The following DLGAP2 variants were observed in gnomAD, a reference collection of about 807,000 sequenced individuals.
DLGAP2 encodes the protein disks large-associated protein 2.
DLGAP2 carries 26 observed loss-of-function variants against 100.3 expected under a neutral mutation model. That is an observed-to-expected ratio of 0.26 (90% CI 0.19 to 0.36). The LOEUF (loss-of-function observed/expected upper bound fraction) is 0.36, where lower values mean the gene tolerates loss of function less well. DLGAP2 is among the 10% of genes least tolerant of loss of function. The pLI is 1.00. For synonymous variants in DLGAP2, 886 were observed against 630.1 expected (o/e 1.41, Z -6.08); for missense variants, 1,858 against 1,453.2 (o/e 1.28, Z -4.53).
intron 1 of DLGAP2, among the ~76,000 whole-genome samples, chr8:898,981 G>T (rs547453204): frequency 6.6e-6 from 1 of 152,240 alleles, no homozygotes; most frequent in East Asian, 1.9e-4. Context: ...GAACTCCTGC[G>T]TGGGTCCAGC....
chr8:1,409,043 G>T (rs1787747952), intron 3 of DLGAP2, among the ~76,000 whole-genome samples: 2 of 152,234 alleles, frequency 1.3e-5, no homozygotes, highest in Admixed American at 1.3e-4. Context: ...GTTCCAGAAT[G>T]TGGACCACTG....
At chr8:1,062,180 C>T (rs765216218) in intron 2 of DLGAP2, among the ~76,000 whole-genome samples, 20 of 152,188 alleles carry the variant, frequency 1.3e-4, no homozygotes, top group Non-Finnish European at 2.8e-4. Context: ...TCCTGCTCTG[C>T]ACCAAGCAGC....
intron 3 of DLGAP2, among the ~76,000 whole-genome samples, chr8:1,267,544 G>A (rs1243564057): frequency 1.5e-5 from 2 of 131,434 alleles, no homozygotes; most frequent in Non-Finnish European, 3.1e-5. Context: ...GGGAGACAGA[G>A]CAAAATTCCC....
At chr8:1,237,079 C>G (rs539571626) in intron 2 of DLGAP2, among the ~76,000 whole-genome samples, 1 of 131,988 alleles carries the variant, frequency 7.6e-6, no homozygotes, top group African/African-American at 3.0e-5. Context: ...TGTCACATGG[C>G]GCCGTGTCTA....
intron 12 of DLGAP2, among the ~76,000 whole-genome samples, chr8:1,683,264 C>T (rs1301406701): frequency 2.0e-5 from 3 of 151,518 alleles, no homozygotes; most frequent in Non-Finnish European, 4.4e-5. Flanking sequence ...GGCCTTGACA[C>T]GCGGTTGGAT....
In DLGAP2 at chr8:1,694,142, C is replaced by T. The variant is rs574218673; in HGVS notation, c.2796+2516C>T. On this transcript the variant is annotated intron_variant, in intron 13 of 14. Transcript: ENST00000637795. ...TTATGCCTTTTGAGTTTTAAAATAGCTGGCTTGGCTACATCCTTTTCTTTC... is the reference window on the plus strand; with the variant it reads ...TTATGCCTTTTGAGTTTTAAAATAGTTGGCTTGGCTACATCCTTTTCTTTC... Among the ~76,000 whole-genome samples the T allele has an allele frequency of 6.6e-5, 10 of 152,308 alleles. No individual in the cohort carries two copies. In the South Asian group the frequency reaches 2.1e-3, roughly 32 times the overall value.
intron 2 of DLGAP2, among the ~76,000 whole-genome samples, chr8:1,240,447 C>G (rs184718719): frequency 2.7e-5 from 4 of 146,472 alleles, no homozygotes; most frequent in Non-Finnish European, 4.5e-5. Context: ...TGTCACATGG[C>G]GCCATGTCTA....
At chr8:1,511,703 A>T (rs1800169976) in intron 4 of DLGAP2, among the ~76,000 whole-genome samples, 1 of 151,606 alleles carries the variant, frequency 6.6e-6, no homozygotes, top group African/African-American at 2.4e-5. Context: ...ACCATCTTCC[A>T]TGGACGTAAG....
At chr8:1,676,144 T>G (rs1157219426) in intron 10 of DLGAP2, among the ~76,000 whole-genome samples, 1 of 152,212 alleles carries the variant, frequency 6.6e-6, no homozygotes, top group Non-Finnish European at 1.5e-5. Flanking sequence ...TTAAATCGCT[T>G]ATTTGTTGTC....
chr8:1,149,366 C>T (rs1796659845), intron 2 of DLGAP2, among the ~76,000 whole-genome samples: 1 of 152,138 alleles, frequency 6.6e-6, no homozygotes, highest in Non-Finnish European at 1.5e-5. Flanking sequence ...CCAGGATGGT[C>T]TCGATCTCCG....
chr8:1,332,609 A>C (rs1205384160), intron 3 of DLGAP2, among the ~76,000 whole-genome samples: 2 of 152,126 alleles, frequency 1.3e-5, no homozygotes, highest in Non-Finnish European at 2.9e-5. Flanking sequence ...CCTGAGAAGC[A>C]CACTCACCCC....
chr8:1,070,926 A>G (rs1351566614), intron 2 of DLGAP2, among the ~76,000 whole-genome samples: 2 of 152,228 alleles, frequency 1.3e-5, no homozygotes, highest in Non-Finnish European at 2.9e-5. Context: ...ATCAGGAGGC[A>G]GAGGGGAAGC....
intron 2 of DLGAP2, among the ~76,000 whole-genome samples, chr8:1,046,390 A>C (rs1004550968): frequency 6.6e-6 from 1 of 152,228 alleles, no homozygotes; most frequent in East Asian, 1.9e-4. Context: ...CATGATCTAA[A>C]TTCCCCCTCC....
At chr8:1,177,147 G>A (rs530934853) in intron 2 of DLGAP2, among the ~76,000 whole-genome samples, 26 of 152,262 alleles carry the variant, frequency 1.7e-4, no homozygotes, top group African/African-American at 5.1e-4. Flanking sequence ...GTGGACGCAC[G>A]CACGCCCAGC....
At chr8:1,446,873 T>C (rs1024576854) in intron 3 of DLGAP2, among the ~76,000 whole-genome samples, 1 of 152,242 alleles carries the variant, frequency 6.6e-6, no homozygotes, top group Non-Finnish European at 1.5e-5. Context: ...GGGAGTTCAC[T>C]CATGATTTGG....
intron 2 of DLGAP2, among the ~76,000 whole-genome samples, chr8:1,161,128 A>G (rs768517914): frequency 1.2e-4 from 18 of 152,242 alleles, no homozygotes; most frequent in Non-Finnish European, 2.2e-4. Flanking sequence ...AGCAGTGAGG[A>G]ATAGAAAACG....
chr8:1,024,678 G>T (rs1801739808), intron 2 of DLGAP2, among the ~76,000 whole-genome samples: 4 of 152,218 alleles, frequency 2.6e-5, no homozygotes, highest in Admixed American at 2.6e-4. Context: ...GAGGAGTGCG[G>T]TGGGTTTGTT....
At chr8:1,111,532 A>G (rs1317606867) in intron 2 of DLGAP2, among the ~76,000 whole-genome samples, 1 of 151,962 alleles carries the variant, frequency 6.6e-6, no homozygotes, top group Non-Finnish European at 1.5e-5. Flanking sequence ...CAATAGTTAT[A>G]TTTCATGGTC....
intron 2 of DLGAP2, among the ~76,000 whole-genome samples, chr8:1,059,087 C>G (rs1802972363): frequency 6.6e-6 from 1 of 152,162 alleles, no homozygotes; most frequent in Non-Finnish European, 1.5e-5. Context: ...ATGGGTAAAC[C>G]TCAGGTTCGC....
Sources: gnomAD v4.1 joint callset for allele counts (sites outside exome capture counted in the v4.1 genomes callset) on GRCh38, gnomAD v4.1.1 for gene constraint, MANE v1.5 for transcripts, NCBI Gene and HGNC (gene_info 2026-07-23, HGNC 2026-07-21) for gene names.